Variants in PDK1 observed in about 807,000 individuals in gnomAD.
PDK1 encodes [Pyruvate dehydrogenase (acetyl-transferring)] kinase isozyme 1, mitochondrial.
In PDK1, 39 loss-of-function variants were observed where a neutral mutation model predicts 54.2. The observed-to-expected ratio is 0.72, with a 90% CI of 0.56 to 0.94. The LOEUF (loss-of-function observed/expected upper bound fraction) is 0.94, where lower values mean the gene tolerates loss of function less well. PDK1 is among the 40% of genes least tolerant of loss of function. PDK1 has a pLI of 0.00. For missense variants in PDK1, 552 were observed against 566.0 expected (o/e 0.98, Z 0.25); for synonymous variants, 221 against 207.1 (o/e 1.07, Z -0.58).
At chr2:172,648,532 G>A in the PDK1 span, among the ~76,000 whole-genome samples, 1 of 152,088 alleles carries the variant, frequency 6.6e-6, no homozygotes, top group African/African-American at 2.4e-5. Flanking sequence ...AGTAGAGCGG[G>A]GCATCGCCTC....
At chr2:172,659,797 G>C in the PDK1 span, among the ~76,000 whole-genome samples, 2 of 152,188 alleles carry the variant, frequency 1.3e-5, no homozygotes, top group Non-Finnish European at 1.5e-5. Flanking sequence ...CCCAAGCCCT[G>C]CATGACTGTC....
At chr2:172,630,947 TAAG>T in the PDK1 span, among the ~76,000 whole-genome samples, 1 of 152,176 alleles carries the variant, frequency 6.6e-6, no homozygotes, top group African/African-American at 2.4e-5. Flanking sequence ...CATGGAACCT[TAAG>T]AAGTCCTTCT....
the PDK1 span, among the ~76,000 whole-genome samples, chr2:172,672,520 G>T: frequency 6.6e-6 from 1 of 152,048 alleles, no homozygotes; most frequent in Non-Finnish European, 1.5e-5. Flanking sequence ...TCGTTTAATT[G>T]TGCTTTGCTT....
At chr2:172,658,822 G>A in the PDK1 span, among the ~76,000 whole-genome samples, 58 of 152,186 alleles carry the variant, frequency 3.8e-4, no homozygotes, top group Non-Finnish European at 6.9e-4. Flanking sequence ...GTAAATTTGA[G>A]GTCAGATTGG....
chr2:172,686,636 T>G, the PDK1 span, among the ~76,000 whole-genome samples: 2 of 152,336 alleles, frequency 1.3e-5, no homozygotes, highest in African/African-American at 4.8e-5. Flanking sequence ...TGTGGAAGCT[T>G]TGTTCTTTTG....
the PDK1 span, among the ~76,000 whole-genome samples, chr2:172,629,842 C>T: frequency 6.6e-6 from 1 of 152,174 alleles, no homozygotes; most frequent in African/African-American, 2.4e-5. Flanking sequence ...CCTCTGTACC[C>T]TGTCACCTGC....
chr2:172,679,315 C>T, the PDK1 span, among the ~76,000 whole-genome samples: 2 of 152,084 alleles, frequency 1.3e-5, no homozygotes, highest in African/African-American at 4.8e-5. Context: ...GGTGTGGTGA[C>T]ATGCACTTGT....
chr2:172,632,196 G>A, the PDK1 span, among the ~76,000 whole-genome samples: 1 of 151,896 alleles, frequency 6.6e-6, no homozygotes, highest in South Asian at 2.1e-4. Flanking sequence ...GAACCCAGGA[G>A]GCGGAGATTG....
the PDK1 span, among the ~76,000 whole-genome samples, chr2:172,639,291 A>G: frequency 6.6e-6 from 1 of 152,220 alleles, no homozygotes; most frequent in Non-Finnish European, 1.5e-5. Flanking sequence ...AGGGAGCTAC[A>G]CAGTTACAAG....
chr2:172,681,332 G>A, the PDK1 span, among the ~76,000 whole-genome samples: 1 of 119,536 alleles, frequency 8.4e-6, no homozygotes, highest in Non-Finnish European at 1.6e-5. Context: ...ACATTATGGA[G>A]CTTTATTATT....
chr2:172,664,111 C>T, the PDK1 span, among the ~76,000 whole-genome samples: 10 of 151,104 alleles, frequency 6.6e-5, no homozygotes, highest in East Asian at 3.9e-4. Flanking sequence ...AGGGAGTTCG[C>T]GACCAGCCTG....
chr2:172,611,923 C>T (rs1375791795), downstream of PDK1, among the ~76,000 whole-genome samples: 1 of 152,214 alleles, frequency 6.6e-6, no homozygotes, highest in East Asian at 1.9e-4. Flanking sequence ...CTTTGATACT[C>T]CCTGATGTAA....
At chr2:172,695,192 T>C in the PDK1 span, among the ~76,000 whole-genome samples, 2 of 152,238 alleles carry the variant, frequency 1.3e-5, no homozygotes, top group Non-Finnish European at 2.9e-5. Flanking sequence ...CTCTTGTTTA[T>C]ATCAACTAGC....
At chr2:172,625,807 G>A in the PDK1 span, among the ~76,000 whole-genome samples, 1 of 151,952 alleles carries the variant, frequency 6.6e-6, no homozygotes, top group Non-Finnish European at 1.5e-5. Context: ...AACAATGCCT[G>A]GCACATAGCA....
chr2:172,688,893 T>C, the PDK1 span, among the ~76,000 whole-genome samples: 1 of 152,146 alleles, frequency 6.6e-6, no homozygotes, highest in Non-Finnish European at 1.5e-5. Context: ...TTCCTTCCAG[T>C]GGGTTCATGG....
chr2:172,568,498 G>T (rs572274666), intron 6 of PDK1, among the ~76,000 whole-genome samples: 1 of 152,250 alleles, frequency 6.6e-6, no homozygotes, highest in African/African-American at 2.4e-5. Flanking sequence ...GGGCGCATGG[G>T]TTGGTTCGAT....
Position 172,601,926 on chromosome 2 carries a change from A to G in PDK1, c.*5957A>G, listed in dbSNP as rs1691129822. 6.6e-6 allele frequency: 1 copy of G among 152,206 alleles called. No homozygotes were observed. Among genetic ancestry groups the G allele is most frequent in the Non-Finnish European group, 1.5e-5 (1 of 68,036 alleles). 9.4% of individuals were successfully genotyped at this position (152,206 alleles called of 1,614,324 possible). ...TTAACTTTATGATAAAAATTTTGTAAGTGGAGAAGAAATGGATATATTTCT... is the reference window on the plus strand; with the variant it reads ...TTAACTTTATGATAAAAATTTTGTAGGTGGAGAAGAAATGGATATATTTCT... On this transcript the variant is annotated 3_prime_UTR_variant, in exon 11 of 11. Coordinates refer to ENST00000282077, the MANE Select transcript of PDK1 (RefSeq NM_002610.5).
At chr2:172,624,436 G>C in the PDK1 span, among the ~76,000 whole-genome samples, 2 of 152,140 alleles carry the variant, frequency 1.3e-5, no homozygotes, top group Admixed American at 6.5e-5. Context: ...TGAGAACTGC[G>C]CATATGAGGG....
chr2:172,620,924 A>G, the PDK1 span, among the ~76,000 whole-genome samples: 1 of 151,608 alleles, frequency 6.6e-6, no homozygotes, highest in African/African-American at 2.4e-5. Context: ...TTACTTCTTT[A>G]TGGTAATGCA....
Sources: gnomAD v4.1 joint callset for allele counts (sites outside exome capture counted in the v4.1 genomes callset) on GRCh38, gnomAD v4.1.1 for gene constraint, MANE v1.5 for transcripts, NCBI Gene and HGNC (gene_info 2026-07-23, HGNC 2026-07-21) for gene names.